Variants in SORCS3 observed in about 807,000 individuals in gnomAD.
The protein encoded by SORCS3 is VPS10 domain-containing receptor SorCS3.
Under a neutral mutation model 146.3 loss-of-function variants are expected in SORCS3, and 57 were observed. The ratio of observed to expected loss-of-function variants is 0.39; its 90% CI spans 0.31 to 0.49. The LOEUF (loss-of-function observed/expected upper bound fraction) is 0.49. Among genes scored for constraint, SORCS3 ranks in the 20% least tolerant of loss-of-function variants. The probability of loss-of-function intolerance (pLI) is 0.92; values close to 1 mark genes in which losing one functional copy is unlikely to be tolerated. For missense variants in SORCS3, 1,341 were observed against 1,575.5 expected, an observed-to-expected ratio of 0.85 and a Z score of 2.52; for synonymous variants, 653 against 618.5, an observed-to-expected ratio of 1.06 and a Z score of -0.83.
chr10:104,751,930 T>G (rs1309417395), intron 1 of SORCS3, among the ~76,000 whole-genome samples: 1 of 60,828 alleles, frequency 1.6e-5, no homozygotes, highest in Non-Finnish European at 2.8e-5. Context: ...GAAGCATATA[T>G]ATATATATAT....
intron 9 of SORCS3, among the ~76,000 whole-genome samples, chr10:105,152,066 T>C (rs976260451): frequency 6.6e-6 from 1 of 152,198 alleles, no homozygotes; most frequent in Non-Finnish European, 1.5e-5. Flanking sequence ...TCTTTTTAAT[T>C]ACTCTCCCTA....
At chr10:104,888,858 C>T (rs965972821) in intron 2 of SORCS3, among the ~76,000 whole-genome samples, 12 of 152,136 alleles carry the variant, frequency 7.9e-5, no homozygotes, top group Non-Finnish European at 1.5e-4. Context: ...GGCTGGAAGA[C>T]ATTTGGGGGC....
At chr10:105,017,862 G>C (rs909698950) in intron 4 of SORCS3, among the ~76,000 whole-genome samples, 2 of 152,178 alleles carry the variant, frequency 1.3e-5, no homozygotes, top group African/African-American at 4.8e-5. Context: ...AATAAGAATT[G>C]TATCAGCCAA....
At chr10:104,725,374 C>T (rs11192169) in intron 1 of SORCS3, among the ~76,000 whole-genome samples, 7,415 of 152,256 alleles carry the variant, frequency 0.049, 174 homozygotes, top group Admixed American at 0.056. Flanking sequence ...TGTGAGGTGT[C>T]AGTCTGCCCC....
intron 7 of SORCS3, among the ~76,000 whole-genome samples, chr10:105,127,979 C>A (rs1453484655): frequency 6.6e-6 from 1 of 152,164 alleles, no homozygotes; most frequent in Non-Finnish European, 1.5e-5. Flanking sequence ...TCATTCAGGG[C>A]TGCACCATGT....
In SORCS3 at chr10:105,255,818, A is replaced by C. The variant is rs1207442338; in HGVS notation, c.3337+17A>C. On this transcript the variant is annotated intron_variant, in intron 24 of 26. Transcript: ENST00000369701. ...TGACGTTAGGTGAGTGCCACTGGGAACTGGGGAAATGGGAAAGAGGATCTG... is the reference window on the plus strand; with the variant it reads ...TGACGTTAGGTGAGTGCCACTGGGACCTGGGGAAATGGGAAAGAGGATCTG... The C allele has an allele frequency of 6.3e-7, 1 of 1,578,534 alleles. No individual in the cohort carries two copies. The highest frequency in any genetic ancestry group is 8.7e-7 in the Non-Finnish European group (1 of 1,149,420).
At chr10:104,949,572 A>C (rs572322040) in intron 3 of SORCS3, among the ~76,000 whole-genome samples, 1 of 152,208 alleles carries the variant, frequency 6.6e-6, no homozygotes. Flanking sequence ...TCATAAATAC[A>C]TTCTATTTTT....
chr10:104,655,383 T>C (rs914122490), intron 1 of SORCS3, among the ~76,000 whole-genome samples: 8 of 152,154 alleles, frequency 5.3e-5, no homozygotes, highest in Non-Finnish European at 7.3e-5. Context: ...TATTTAAGCC[T>C]AGTACTCAAT....
At chr10:105,261,483 G>A (rs1447646181) in intron 25 of SORCS3, among the ~76,000 whole-genome samples, 1 of 152,174 alleles carries the variant, frequency 6.6e-6, no homozygotes, top group Non-Finnish European at 1.5e-5. Flanking sequence ...CAGACTTACA[G>A]AGCCACAATT....
chr10:104,832,861 G>A (rs1360513875), intron 1 of SORCS3, among the ~76,000 whole-genome samples: 1 of 152,154 alleles, frequency 6.6e-6, no homozygotes, highest in Non-Finnish European at 1.5e-5. Flanking sequence ...ATATTCTGTG[G>A]TGTCCTCCTG....
chr10:104,909,218 A>G (rs954315011), intron 2 of SORCS3, among the ~76,000 whole-genome samples: 7 of 152,142 alleles, frequency 4.6e-5, no homozygotes, highest in Non-Finnish European at 8.8e-5. Flanking sequence ...CAAAACCCAA[A>G]ATATTTACTA....
At chr10:105,229,945 C>T (rs1409940006) in intron 20 of SORCS3, among the ~76,000 whole-genome samples, 1 of 152,088 alleles carries the variant, frequency 6.6e-6, no homozygotes, top group African/African-American at 2.4e-5. Flanking sequence ...GGCAGGATAA[C>T]CCTCTGTGTC....
chr10:104,852,953 G>A (rs1475414214), intron 2 of SORCS3, among the ~76,000 whole-genome samples: 1 of 152,206 alleles, frequency 6.6e-6, no homozygotes, highest in Non-Finnish European at 1.5e-5. Flanking sequence ...AGCCTTATGA[G>A]GGTCAGTTGG....
chr10:105,144,126 C>A (rs1322259338), intron 8 of SORCS3, among the ~76,000 whole-genome samples: 1 of 152,116 alleles, frequency 6.6e-6, no homozygotes, highest in Admixed American at 6.6e-5. Flanking sequence ...CTTAGGTGTG[C>A]CATAGCACCC....
intron 5 of SORCS3, among the ~76,000 whole-genome samples, chr10:105,065,467 C>T (rs1185952888): frequency 1.3e-5 from 2 of 151,838 alleles, no homozygotes; most frequent in East Asian, 1.9e-4. Flanking sequence ...CAACTGCACA[C>T]GACGACCTCT....
intron 3 of SORCS3, among the ~76,000 whole-genome samples, chr10:104,924,938 T>A (rs1302804698): frequency 2.0e-5 from 3 of 152,210 alleles, no homozygotes; most frequent in Non-Finnish European, 4.4e-5. Flanking sequence ...CTGGGATACA[T>A]GTGCAGAACG....
chr10:105,008,173 A>G (rs1010606723), intron 4 of SORCS3, among the ~76,000 whole-genome samples: 2 of 152,194 alleles, frequency 1.3e-5, no homozygotes, highest in South Asian at 2.1e-4. Flanking sequence ...ACATATCTCC[A>G]TCTTAGCATT....
At chr10:105,068,962 C>T (rs1257164482) in intron 5 of SORCS3, among the ~76,000 whole-genome samples, 3 of 152,144 alleles carry the variant, frequency 2.0e-5, no homozygotes, top group Non-Finnish European at 4.4e-5. Flanking sequence ...TTGAGATTTG[C>T]TCAAAATCAG....
At chr10:104,820,837 C>CAT (rs1350690435) in intron 1 of SORCS3, among the ~76,000 whole-genome samples, 4 of 152,070 alleles carry the variant, frequency 2.6e-5, no homozygotes, top group Non-Finnish European at 4.4e-5. Context: ...CATCAACAGT[C>CAT]ATATATATAA....
Sources: gnomAD v4.1 joint callset for allele counts (sites outside exome capture counted in the v4.1 genomes callset) on GRCh38, gnomAD v4.1.1 for gene constraint, MANE v1.5 for transcripts, NCBI Gene and HGNC (gene_info 2026-07-23, HGNC 2026-07-21) for gene names.